The following OR4D2 variants were observed in gnomAD, a reference collection of about 807,000 sequenced individuals.
OR4D2 encodes olfactory receptor 4D2.
A neutral mutation model predicts 12.4 loss-of-function variants in OR4D2; 9 were observed. That is an observed-to-expected ratio of 0.73 (90% CI 0.44 to 1.27). OR4D2 has a LOEUF of 1.27. OR4D2 is among the 50% of genes most tolerant of loss of function. The pLI, the probability that OR4D2 is intolerant of heterozygous loss-of-function variation, is 0.00. For missense variants in OR4D2, 373 were observed against 381.6 expected (o/e 0.98, Z 0.19); for synonymous variants, 151 against 151.1 (o/e 1.00, Z 0.01).
chr17:58,170,434 G>T lies in OR4D2; in HGVS notation c.779G>T (p.Arg260Leu). ...IFVPSIYLYARPFTPFPMDKL... is the reference protein window; with the variant it reads ...IFVPSIYLYALPFTPFPMDKL... Reference sequence around the variant, plus strand: ...GTTCCAAGCATTTACCTCTATGCCCGGCCCTTCACTCCATTCCCTATGGAC... The same window carrying T: ...GTTCCAAGCATTTACCTCTATGCCCTGCCCTTCACTCCATTCCCTATGGAC... The change falls in exon 2 of 2, where the codon CGG (arginine) becomes CTG (leucine). Residue 260 changes from arginine (R) to leucine (L), a missense_variant. Physicochemically the swap from Arg to Leu is moderately radical, Grantham distance 102 (BLOSUM62 -2). Transcript: ENST00000545221. 6.2e-7 allele frequency: 1 copy of T among 1,614,158 alleles called. No homozygotes were observed. The highest frequency in any genetic ancestry group is 8.5e-7 in the Non-Finnish European group (1 of 1,180,034).
intron 1 of OR4D2, among the ~76,000 whole-genome samples, chr17:58,167,752 T>A (rs1967906233): frequency 6.6e-6 from 1 of 150,906 alleles, no homozygotes; most frequent in South Asian, 2.1e-4. Context: ...CGGTGGCTCA[T>A]GCCTGTAATC....
chr17:58,169,701 G>C lies in OR4D2; in HGVS notation c.46G>C (p.Gly16Arg). The change falls in exon 2 of 2, where the codon GGG becomes CGG. Residue 16 changes from glycine (G) to arginine (R), a missense_variant. By Grantham distance (125) the Gly-to-Arg change is moderately radical. Transcript: ENST00000545221. ...GTGGGTATCAGACTTTGTCTTCCTG[G>C]GGCTCTCGCAGACTCGGGAGCTCCA... ...LTWVSDFVFLGLSQTRELQRF... is the reference protein window; with the variant it reads ...LTWVSDFVFLRLSQTRELQRF... The C allele has an allele frequency of 1.2e-6, 2 of 1,614,016 alleles. No homozygotes were observed. Among genetic ancestry groups the C allele is most frequent in the Non-Finnish European group, 1.7e-6 (2 of 1,179,956 alleles).
Position 58,170,565 on chromosome 17 carries a change from C to A in OR4D2, c.910C>A (p.His304Asn), listed in dbSNP as rs756042965. ...MQAAVRRLGR[H>N]RLV Reference sequence around the variant, plus strand: ...GGCAGCAGTGAGAAGATTAGGGAGACACCGGCTGGTTTGAGAGTGACAATG... The same window carrying A: ...GGCAGCAGTGAGAAGATTAGGGAGAAACCGGCTGGTTTGAGAGTGACAATG... The change falls in exon 2 of 2, where the codon CAC (histidine) becomes AAC (asparagine). Residue 304 changes from histidine to asparagine, a missense_variant. Physicochemically the swap from His to Asn is moderately conservative, Grantham distance 68. Coordinates refer to ENST00000545221, the MANE Select transcript of OR4D2 (RefSeq NM_001004707.4). 15 of 1,613,952 alleles carry A rather than the reference C, an allele frequency of 9.3e-6. No homozygotes were observed. The highest frequency in any genetic ancestry group is 1.2e-5 in the Non-Finnish European group (14 of 1,179,782).
Position 58,170,386 on chromosome 17 carries a change from T to G in OR4D2, c.731T>G (p.Ile244Ser). ...GCAGCTTCCACCTGCACCACCCACATCATCGTGGTTTCCATGATCTTCGTT... is the reference window on the plus strand; with the variant it reads ...GCAGCTTCCACCTGCACCACCCACAGCATCGTGGTTTCCATGATCTTCGTT... ...RKAASTCTTHIIVVSMIFVPS... is the reference protein window; with the variant it reads ...RKAASTCTTHSIVVSMIFVPS... The change falls in exon 2 of 2, where the codon ATC becomes AGC. Residue 244 changes from isoleucine to serine, a missense_variant. Coordinates refer to ENST00000545221, the MANE Select transcript of OR4D2 (RefSeq NM_001004707.4). 6.2e-7 allele frequency: 1 copy of G among 1,614,216 alleles called. No homozygotes were observed. Among genetic ancestry groups the G allele is most frequent in the Non-Finnish European group, 8.5e-7 (1 of 1,180,030 alleles).
In OR4D2 at chr17:58,169,712, G is replaced by A. The variant is rs373812169; in HGVS notation, c.57G>A (p.Gln19=). ...VSDFVFLGLS[Q]TRELQRFLFL... is the part of the protein sequence containing the mutation. ...ACTTTGTCTTCCTGGGGCTCTCGCAGACTCGGGAGCTCCAGCGTTTCCTGT... is the reference window on the plus strand; with the variant it reads ...ACTTTGTCTTCCTGGGGCTCTCGCAAACTCGGGAGCTCCAGCGTTTCCTGT... The change falls in exon 2 of 2, where the codon CAG becomes CAA. Residue 19 remains glutamine (Q), a synonymous_variant. Coordinates refer to ENST00000545221, the MANE Select transcript of OR4D2 (RefSeq NM_001004707.4). 18 of 1,614,102 alleles carry A rather than the reference G, an allele frequency of 1.1e-5. No individual in the cohort carries two copies. The highest frequency in any genetic ancestry group is 1.4e-5 in the Non-Finnish European group (17 of 1,179,940).
In OR4D2 at chr17:58,170,653, G is replaced by T. The variant is rs529985046; in HGVS notation, c.*74G>T. On this transcript the variant is annotated 3_prime_UTR_variant, in exon 2 of 2. Coordinates refer to ENST00000545221, the MANE Select transcript of OR4D2 (RefSeq NM_001004707.4). ...AAGTGGAGAGGGAGCTACTACCTTT[G>T]CTCTCTTCATAGTGTGTTGAGGTTC... The T allele has an allele frequency of 3.4e-5, 40 of 1,167,978 alleles. No individual in the cohort carries two copies. The African/African-American group carries it at 5.0e-4, about 15-fold the overall frequency. The allele number at this position is 1,167,978 out of a possible 1,614,324, so 72.4% of individuals were successfully genotyped here. A position where few individuals can be genotyped will look rare whatever the true frequency, so the allele number is the denominator to read the frequency against.
chr17:58,167,117 A>G (rs1453596158), intron 1 of OR4D2, 64 bp downstream of exon 1: 1 of 152,264 alleles, frequency 6.6e-6, no homozygotes, highest in African/African-American at 2.4e-5. Flanking sequence ...ACCTGCTAAT[A>G]TATTAAGTTG....
intron 1 of OR4D2, among the ~76,000 whole-genome samples, chr17:58,167,789 C>T (rs1364719129): frequency 1.3e-5 from 2 of 151,210 alleles, no homozygotes; most frequent in Non-Finnish European, 2.9e-5. Flanking sequence ...CGGAAGCGGG[C>T]GGATCACGAG....
In OR4D2 at chr17:58,170,654, C is replaced by T. The variant is rs1268009536; in HGVS notation, c.*75C>T. 6 of 1,156,228 alleles carry T rather than the reference C, an allele frequency of 5.2e-6. No individual in the cohort carries two copies. In the African/African-American group the frequency reaches 7.6e-5, roughly 15 times the overall value. The allele number at this position is 1,156,228 out of a possible 1,614,324, so 71.6% of individuals were successfully genotyped here. A position where few individuals can be genotyped will look rare whatever the true frequency, so the allele number is the denominator to read the frequency against. ...AGTGGAGAGGGAGCTACTACCTTTG[C>T]TCTCTTCATAGTGTGTTGAGGTTCA... On this transcript the variant is annotated 3_prime_UTR_variant, in exon 2 of 2. Coordinates refer to ENST00000545221, the MANE Select transcript of OR4D2 (RefSeq NM_001004707.4).
chr17:58,169,641 T>C lies in OR4D2; in HGVS notation c.-15T>C, dbSNP rs997890934. ...GTCTGTGGTTCATTTTCTTCAGGTG[T>C]ATGGAGAAAACACCATGGAAACAGG... is the stretch of plus-strand genomic sequence containing the variant. On this transcript the variant is annotated 5_prime_UTR_variant, in exon 2 of 2. Coordinates refer to ENST00000545221, the MANE Select transcript of OR4D2 (RefSeq NM_001004707.4). 3 of 1,600,526 alleles carry C rather than the reference T, an allele frequency of 1.9e-6. No homozygotes were observed. The highest frequency in any genetic ancestry group is 2.6e-6 in the Non-Finnish European group (3 of 1,167,696).
Position 58,170,483 on chromosome 17 carries a change from A to C in OR4D2, c.828A>C (p.Thr276=). 1 of 1,614,108 alleles carries C rather than the reference A, an allele frequency of 6.2e-7. No individual in the cohort carries two copies. The highest frequency in any genetic ancestry group is 8.5e-7 in the Non-Finnish European group (1 of 1,179,960). ...ACAAGCTTGTGTCCATCGGCCACAC[A>C]GTCATGACCCCCATGCTCAACCCCA... ...PMDKLVSIGH[T]VMTPMLNPMI... Residue 276 remains threonine, a synonymous_variant, in exon 2 of 2, where the codon ACA becomes ACC. Transcript: ENST00000545221.
intron 1 of OR4D2, among the ~76,000 whole-genome samples, chr17:58,168,219 T>G (rs1436780940): frequency 6.6e-6 from 1 of 151,378 alleles, no homozygotes; most frequent in Non-Finnish European, 1.5e-5. Flanking sequence ...TTGTTTTTGA[T>G]TTTTTGAGAC....
chr17:58,168,996 T>C (rs1242279210), intron 1 of OR4D2, among the ~76,000 whole-genome samples: 1 of 150,212 alleles, frequency 6.7e-6, no homozygotes, highest in East Asian at 1.9e-4. Context: ...ACAAATAAAT[T>C]GTGAGATCCA....
rs1193187459 is a variant in OR4D2 at position 58,169,747 on chromosome 17, T to C, written c.92T>C (p.Phe31Ser). The change falls in exon 2 of 2, where the codon TTC (phenylalanine) becomes TCC (serine). Residue 31 changes from phenylalanine to serine, a missense_variant. Physicochemically the swap from Phe to Ser is radical, Grantham distance 155 (BLOSUM62 -2). Transcript: ENST00000545221. Reference protein sequence around the residue: ...RELQRFLFLMFLFVYITTVMG... With the variant: ...RELQRFLFLMSLFVYITTVMG... ...CTCCAGCGTTTCCTGTTTCTAATGT[T>C]CCTGTTTGTCTACATCACCACTGTT... The C allele has an allele frequency of 2.5e-6, 4 of 1,613,956 alleles. No individual in the cohort carries two copies. The highest frequency in any genetic ancestry group is 3.4e-6 in the Non-Finnish European group (4 of 1,179,942).
In OR4D2 at chr17:58,171,040, A is replaced by G. The variant is rs1180129818; in HGVS notation, c.*461A>G. On this transcript the variant is annotated 3_prime_UTR_variant, in exon 2 of 2. Transcript: ENST00000545221. Reference sequence around the variant, plus strand: ...ACTGATGACTTCGAGTAAGCCACCCAGCTTTTCTTGGCCTCATGATTTCTC... The same window carrying G: ...ACTGATGACTTCGAGTAAGCCACCCGGCTTTTCTTGGCCTCATGATTTCTC... The G allele has an allele frequency of 6.0e-6, 1 of 166,842 alleles. No individual in the cohort carries two copies. The highest frequency in any genetic ancestry group is 1.3e-5 in the Non-Finnish European group (1 of 75,750). The allele number at this position is 166,842 out of a possible 1,614,324, so 10.3% of individuals were successfully genotyped here. A position where few individuals can be genotyped will look rare whatever the true frequency, so the allele number is the denominator to read the frequency against.
Position 58,170,399 on chromosome 17 carries a change from C to T in OR4D2, c.744C>T (p.Ser248=). The change falls in exon 2 of 2, where the codon TCC becomes TCT. Residue 248 remains serine, a synonymous_variant. Transcript: ENST00000545221. The stretch of plus-strand genomic sequence containing the variant: ...GCACCACCCACATCATCGTGGTTTC[C>T]ATGATCTTCGTTCCAAGCATTTACC... ...STCTTHIIVV[S]MIFVPSIYLY... The T allele has an allele frequency of 3.7e-6, 6 of 1,614,212 alleles. No individual in the cohort carries two copies. Among genetic ancestry groups the T allele is most frequent in the Non-Finnish European group, 5.1e-6 (6 of 1,180,042 alleles).
chr17:58,168,083 T>C (rs1967912252), intron 1 of OR4D2, among the ~76,000 whole-genome samples: 1 of 146,390 alleles, frequency 6.8e-6, no homozygotes, highest in African/African-American at 2.6e-5. Context: ...TGACCTATAA[T>C]ATTGTAGATA....
In OR4D2 at chr17:58,167,054, G is replaced by C. The variant is rs931044580; in HGVS notation, c.-19+1G>C. 2 of 152,260 alleles carry C rather than the reference G, an allele frequency of 1.3e-5. No individual in the cohort carries two copies. 9.4% of individuals were successfully genotyped at this position (152,260 alleles called of 1,614,324 possible). A position where few individuals can be genotyped will look rare whatever the true frequency, so the allele number is the denominator to read the frequency against. ...ATGCTCACAGCAAAGGACATCAACG[G>C]TGAGGAAAATCACAAGATTCTCGAC... is the stretch of plus-strand genomic sequence containing the variant. On this transcript the variant is annotated splice_donor_variant, in intron 1 of 1. Transcript: ENST00000545221. LOFTEE classifies it low-confidence loss of function (5UTR_SPLICE).
In OR4D2 at chr17:58,170,925, TC is replaced by T; in HGVS notation, c.*348del. 3.0e-6 allele frequency: 1 copy of T among 336,458 alleles called. No individual in the cohort carries two copies. Among genetic ancestry groups the T allele is most frequent in the Non-Finnish European group, 5.6e-6 (1 of 177,006 alleles). The allele number at this position is 336,458 out of a possible 1,614,324, so 20.8% of individuals were successfully genotyped here. ...TATTTTGAGCTCTCTTCCCAATATT[TC>T]CTTTTGGTGTGAGTCTGGGTTGTTG... On this transcript the variant is annotated 3_prime_UTR_variant, in exon 2 of 2. Coordinates refer to ENST00000545221, the MANE Select transcript of OR4D2 (RefSeq NM_001004707.4).
Sources: gnomAD v4.1 joint callset for allele counts (sites outside exome capture counted in the v4.1 genomes callset) on GRCh38, gnomAD v4.1.1 for gene constraint, MANE v1.5 for transcripts, NCBI Gene and HGNC (gene_info 2026-07-23, HGNC 2026-07-21) for gene names.